Variants in GLIS3 observed in about 807,000 individuals in gnomAD.
GLIS3 encodes the protein zinc finger protein GLIS3.
In GLIS3, 53 loss-of-function variants were observed where a neutral mutation model predicts 78.6. The ratio of observed to expected loss-of-function variants is 0.67; its 90% confidence interval spans 0.54 to 0.85. The LOEUF (loss-of-function observed/expected upper bound fraction) is 0.85. Ranked by LOEUF, GLIS3 falls within the 40% of genes least tolerant of loss-of-function variation. The probability of loss-of-function intolerance (pLI) is 0.00; values close to 1 mark genes in which losing one functional copy is unlikely to be tolerated. For synonymous variants in GLIS3, 684 were observed against 509.9 expected (o/e 1.34, Z -4.60); for missense variants, 1,703 against 1,231.1 (o/e 1.38, Z -5.74).
the GLIS3 span, among the ~76,000 whole-genome samples, chr9:4,475,201 T>A: frequency 1.3e-5 from 2 of 151,942 alleles, no homozygotes; most frequent in Admixed American, 1.3e-4. Flanking sequence ...CAGTGAATAA[T>A]GAGAAAGGGT....
At chr9:3,949,667 G>A (rs1301183393) in intron 4 of GLIS3, among the ~76,000 whole-genome samples, 3 of 152,276 alleles carry the variant, frequency 2.0e-5, no homozygotes, top group Non-Finnish European at 2.9e-5. Context: ...AGATGTTTTC[G>A]AAGTTCCCAT....
chr9:4,197,748 C>A (rs1172564259), intron 2 of GLIS3, among the ~76,000 whole-genome samples: 1 of 152,166 alleles, frequency 6.6e-6, no homozygotes, highest in Non-Finnish European at 1.5e-5. Context: ...TGAGCAAGGA[C>A]ACCCAGCCAC....
intron 2 of GLIS3, among the ~76,000 whole-genome samples, chr9:4,166,086 G>C (rs1039396108): frequency 2.0e-5 from 3 of 152,186 alleles, no homozygotes; most frequent in African/African-American, 2.4e-5. Context: ...GCAAAGCATG[G>C]AACTTCTCTG....
intron 4 of GLIS3, among the ~76,000 whole-genome samples, chr9:3,981,164 G>A (rs1819249800): frequency 6.6e-6 from 1 of 152,136 alleles, no homozygotes; most frequent in Non-Finnish European, 1.5e-5. Context: ...TAAAACCTTA[G>A]CCCTCTGTGC....
chr9:4,395,331 T>C, the GLIS3 span, among the ~76,000 whole-genome samples: 1 of 152,216 alleles, frequency 6.6e-6, no homozygotes, highest in African/African-American at 2.4e-5. Flanking sequence ...TGTGGGTATT[T>C]TGTTGAGGCG....
At chr9:4,257,702 T>C (rs574229253) in intron 2 of GLIS3, among the ~76,000 whole-genome samples, 5 of 151,810 alleles carry the variant, frequency 3.3e-5, no homozygotes, top group Non-Finnish European at 5.9e-5. Context: ...GCCTCCCAAG[T>C]AGCTGGGACT....
chr9:3,936,501 G>T (rs1384623432), intron 5 of GLIS3, among the ~76,000 whole-genome samples: 2 of 152,048 alleles, frequency 1.3e-5, no homozygotes, highest in Non-Finnish European at 2.9e-5. Context: ...TTTCTTCTTA[G>T]ATCAGCTGAA....
intron 2 of GLIS3, among the ~76,000 whole-genome samples, chr9:4,196,466 T>C (rs1305450928): frequency 6.6e-6 from 1 of 152,202 alleles, no homozygotes; most frequent in Non-Finnish European, 1.5e-5. Flanking sequence ...TCCTCACTAT[T>C]TGGGTCCGCA....
rs141533130 is a variant in GLIS3, at chr9:4,117,917, T to C, written c.1561A>G (p.Ile521Val). 15 of 1,614,030 alleles carry C rather than the reference T, an allele frequency of 9.3e-6. No homozygotes were observed. In the African/African-American group the frequency reaches 1.9e-4, roughly 20 times the overall value. ...YDQQEELVRHIEKVHIDQRKG... is the reference protein window; with the variant it reads ...YDQQEELVRHVEKVHIDQRKG... ...CGCTGGTCGATGTGGACCTTCTCGA[T>C]GTGCCGCACGAGCTCCTCCTGCTGG... Residue 521 changes from isoleucine (I) to valine (V), a missense_variant, in exon 4 of 11, where the codon ATC becomes GTC. Coordinates refer to ENST00000381971, the MANE Select transcript of GLIS3 (RefSeq NM_001042413.2).
At chr9:3,975,352 G>A (rs1818692043) in intron 4 of GLIS3, among the ~76,000 whole-genome samples, 1 of 152,094 alleles carries the variant, frequency 6.6e-6, no homozygotes. Flanking sequence ...AGAGGGCATG[G>A]TGTTTTAAAA....
At chr9:4,188,740 G>A (rs1022869388) in intron 2 of GLIS3, among the ~76,000 whole-genome samples, 17 of 152,096 alleles carry the variant, frequency 1.1e-4, no homozygotes, top group African/African-American at 1.9e-4. Context: ...TGTATGTGTC[G>A]AGGAATGTAT....
intron 4 of GLIS3, among the ~76,000 whole-genome samples, chr9:4,027,005 G>C (rs1284969989): frequency 6.6e-6 from 1 of 152,120 alleles, no homozygotes; most frequent in African/African-American, 2.4e-5. Flanking sequence ...GCCACATGTG[G>C]GAGAGGGAGA....
chr9:4,386,674 A>G, the GLIS3 span: 4 of 152,188 alleles, frequency 2.6e-5, no homozygotes, highest in East Asian at 5.8e-4. Context: ...CCCCTAGAGG[A>G]TTCCACTGAT....
chr9:3,850,325 C>T (rs1244781251), intron 9 of GLIS3, among the ~76,000 whole-genome samples: 1 of 152,206 alleles, frequency 6.6e-6, no homozygotes, highest in African/African-American at 2.4e-5. Context: ...CCCCCTGGGA[C>T]TGTGCTCATT....
chr9:4,342,520 T>G (rs892335391), intron 2 of GLIS3, among the ~76,000 whole-genome samples: 1 of 152,210 alleles, frequency 6.6e-6, no homozygotes, highest in Non-Finnish European at 1.5e-5. Context: ...TTGGGTAACG[T>G]GATCTCTCCA....
chr9:3,851,813 GT>G (rs1159484312), intron 9 of GLIS3, among the ~76,000 whole-genome samples: 20 of 152,304 alleles, frequency 1.3e-4, no homozygotes, highest in African/African-American at 4.6e-4. Context: ...ATTTATTTTA[GT>G]GTGCCTTTGC....
intron 4 of GLIS3, among the ~76,000 whole-genome samples, chr9:4,044,556 A>T (rs1163818513): frequency 6.6e-6 from 1 of 152,084 alleles, no homozygotes; most frequent in Admixed American, 6.6e-5. Context: ...ATCTTATCCT[A>T]TGTGGGAAAG....
intron 9 of GLIS3, among the ~76,000 whole-genome samples, chr9:3,838,623 G>T (rs944468402): frequency 1.3e-5 from 2 of 152,144 alleles, no homozygotes; most frequent in African/African-American, 4.8e-5. Flanking sequence ...TCAGTTAGGT[G>T]CTTCCCAGGG....
chr9:3,878,100 T>C (rs1050341570), intron 8 of GLIS3, among the ~76,000 whole-genome samples: 2 of 152,208 alleles, frequency 1.3e-5, no homozygotes, highest in African/African-American at 4.8e-5. Context: ...CTTGGATATG[T>C]TCTTCTTGCT....
Sources: gnomAD v4.1 joint callset for allele counts (sites outside exome capture counted in the v4.1 genomes callset) on GRCh38, gnomAD v4.1.1 for gene constraint, MANE v1.5 for transcripts, NCBI Gene and HGNC (gene_info 2026-07-23, HGNC 2026-07-21) for gene names.